CFAP43: variants seen among roughly 807,000 people sequenced by gnomAD.
CFAP43 encodes the protein cilia and flagella associated protein 43.
In CFAP43, 155 loss-of-function variants were observed where a neutral mutation model predicts 218.9. The observed-to-expected ratio is 0.71, with a 90% CI of 0.62 to 0.81. CFAP43 has a LOEUF of 0.81. Ranked by LOEUF, CFAP43 falls within the 30% of genes least tolerant of loss-of-function variation. The pLI, the probability that CFAP43 is intolerant of heterozygous loss-of-function variation, is 0.00. For synonymous variants in CFAP43, 645 were observed against 681.3 expected, an observed-to-expected ratio of 0.95 and a Z score of 0.83; for missense variants, 1,778 against 1,954.3, an observed-to-expected ratio of 0.91 and a Z score of 1.70.
At position 104,140,437 on chromosome 10, in the gene CFAP43, A is replaced by T. The variant is rs1016962148; in HGVS notation, c.4431+405T>A. 2.0e-5 allele frequency among the ~76,000 whole-genome samples: 3 copies of T among 152,240 alleles called. No homozygotes were observed. The South Asian group carries it at 6.2e-4, about 31-fold the overall frequency. Reference sequence around the variant, plus strand: ...AGTTAGGAAACCACTGACTTAATTGAATTAAAATTACTTATGAAAATGGGA... The same window carrying T: ...AGTTAGGAAACCACTGACTTAATTGTATTAAAATTACTTATGAAAATGGGA... On this transcript the variant is annotated intron_variant, in intron 34 of 37. Transcript: ENST00000357060.
chr10:104,146,129 A>C, intron 30 of CFAP43, 134 bp downstream of exon 30: 1 of 623,506 alleles, frequency 1.6e-6, no homozygotes, highest in Non-Finnish European at 2.8e-6. Flanking sequence ...CATAGAATGA[A>C]GTTCACCCAT....
At chr10:104,132,682 C>T (rs968371551) in intron 35 of CFAP43, 1 of 985,256 alleles carries the variant, frequency 1.0e-6, no homozygotes, top group Non-Finnish European at 1.2e-6. Flanking sequence ...GCCATCAATA[C>T]ATTCATGTAC....
rs542039027 is a variant in CFAP43, at chr10:104,162,350, C to G, written c.3300G>C (p.Val1100=). 1.5e-4 allele frequency: 249 copies of G among 1,614,192 alleles called. 3 individuals carry two copies. In the South Asian group the frequency reaches 2.6e-3, roughly 17 times the overall value. Residue 1100 remains valine (V), a synonymous_variant, in exon 25 of 38, where the codon GTG becomes GTC. Transcript: ENST00000357060. ...GAAGCCAGTGCTCCTTTTCATGATTCACGATCAATTCTTTGGCTTTGTGCC... is the reference window on the plus strand; with the variant it reads ...GAAGCCAGTGCTCCTTTTCATGATTGACGATCAATTCTTTGGCTTTGTGCC... ...KPWHKAKELI[V]NHEKEHWLLI...
intron 28 of CFAP43, among the ~76,000 whole-genome samples, chr10:104,148,350 C>T (rs550788963): frequency 6.6e-6 from 1 of 152,156 alleles, no homozygotes; most frequent in Non-Finnish European, 1.5e-5. Context: ...AATCTCAACC[C>T]CAGTACTAAA....
Position 104,203,665 on chromosome 10 carries a change from A to AACATACCTT in CFAP43, c.1093_1095+6dup, listed in dbSNP as rs745693479. ...ATCACATATCAAGAAATTACCATCCAACATACCTTGTCTGTTTGAATCAGC... is the reference window on the plus strand; with the variant it reads ...ATCACATATCAAGAAATTACCATCCAACATACCTTACATACCTTGTCTGTTTGAATCAGC... On this transcript the variant is annotated splice_region_variant and intron_variant, in intron 8 of 37. Coordinates refer to ENST00000357060, the MANE Select transcript of CFAP43 (RefSeq NM_025145.7). 3.1e-6 allele frequency: 5 copies of AACATACCTT among 1,595,364 alleles called. No homozygotes were observed. Among genetic ancestry groups the AACATACCTT allele is most frequent in the Non-Finnish European group, 4.3e-6 (5 of 1,173,432 alleles).
At position 104,130,312 on chromosome 10, in the gene CFAP43, C is replaced by A; in HGVS notation, c.4832-7G>T. ...TCACAAGTCAGTTTAGACCCTATCC[C>A]AAAAATGAATAAAGGAATTCGATTA... On this transcript the variant is annotated splice_polypyrimidine_tract_variant and splice_region_variant and intron_variant, in intron 37 of 37. Coordinates refer to ENST00000357060, the MANE Select transcript of CFAP43 (RefSeq NM_025145.7). 1 of 1,599,102 alleles carries A rather than the reference C, an allele frequency of 6.3e-7. No homozygotes were observed. Among genetic ancestry groups the A allele is most frequent in the Non-Finnish European group, 8.5e-7 (1 of 1,176,634 alleles).
chr10:104,160,022 TC>T (rs2134806190), intron 27 of CFAP43, among the ~76,000 whole-genome samples: 1 of 152,250 alleles, frequency 6.6e-6, no homozygotes, highest in South Asian at 2.1e-4. Flanking sequence ...GTAAACCCAG[TC>T]AATAGTTTTT....
intron 32 of CFAP43, 104 bp downstream of exon 32, chr10:104,143,322 C>T (rs1444479129): frequency 7.2e-6 from 7 of 969,148 alleles, no homozygotes. Flanking sequence ...ACTACCCTAG[C>T]AGGGAAACCT....
At chr10:104,182,684 T>C (rs1295096133) in intron 16 of CFAP43, among the ~76,000 whole-genome samples, 171 bp from the exon 17 acceptor site, 1 of 152,190 alleles carries the variant, frequency 6.6e-6, no homozygotes, top group Non-Finnish European at 1.5e-5. Context: ...AGTGCCTACT[T>C]CTTTTGCAGA....
intron 27 of CFAP43, among the ~76,000 whole-genome samples, chr10:104,156,243 A>G (rs1478471612): frequency 6.6e-6 from 1 of 152,168 alleles, no homozygotes; most frequent in East Asian, 1.9e-4. Context: ...AAAGAAGTCA[A>G]CTGTATATCA....
intron 16 of CFAP43, 117 bp downstream of exon 16, chr10:104,184,899 T>G: frequency 6.9e-7 from 1 of 1,458,950 alleles, no homozygotes; most frequent in Non-Finnish European, 9.0e-7. Context: ...ATAACAAACT[T>G]TCTTTGCACT....
Position 104,161,099 on chromosome 10 carries a change from GT to G in CFAP43, c.3477del (p.Lys1159AsnfsTer10). The G allele has an allele frequency of 6.2e-7, 1 of 1,613,110 alleles. No individual in the cohort carries two copies. Among genetic ancestry groups the G allele is most frequent in the Non-Finnish European group, 8.5e-7 (1 of 1,179,440 alleles). On this transcript the variant is annotated frameshift_variant, in exon 27 of 38. Transcript: ENST00000357060. LOFTEE classifies it high-confidence loss of function. Reference protein sequence around the residue: ...PDAVWTEEERKQFKDYEKKVK... With the variant: ...PDAVWTEEERXQFKDYEKKVK... The stretch of plus-strand genomic sequence containing the variant: ...ACTTTTTTCTCATAATCTTTGAATT[GT>G]TTTCTTTCTTCTTCAGTCCACACAG...
intron 34 of CFAP43, 152 bp downstream of exon 34, chr10:104,140,690 G>T: frequency 1.7e-6 from 1 of 587,552 alleles, no homozygotes; most frequent in Non-Finnish European, 2.9e-6. Flanking sequence ...GTGTGAACCT[G>T]TACTCCCAGC....
At chr10:104,192,831 T>A (rs1157551975) in intron 11 of CFAP43, 1 of 167,862 alleles carries the variant, frequency 6.0e-6, no homozygotes, top group Non-Finnish European at 1.3e-5. Flanking sequence ...AGGTTATCCA[T>A]CCTTCCCCAC....
chr10:104,225,519 A>G lies in CFAP43; in HGVS notation c.358T>C (p.Tyr120His). 2 of 1,612,998 alleles carry G rather than the reference A, an allele frequency of 1.2e-6. No individual in the cohort carries two copies. The highest frequency in any genetic ancestry group is 1.7e-6 in the Non-Finnish European group (2 of 1,179,330). Residue 120 changes from tyrosine (Y) to histidine (H), a missense_variant, in exon 3 of 38, where the codon TAC becomes CAC. Around this residue, in one of 3 missense-constraint regions of CFAP43, gnomAD observed 1,553 missense variants for 1,685.2 expected, o/e 0.92. Coordinates refer to ENST00000357060, the MANE Select transcript of CFAP43 (RefSeq NM_025145.7). Reference protein sequence around the residue: ...LLDYTLLSFSYCGTYLASYSS... With the variant: ...LLDYTLLSFSHCGTYLASYSS... Reference sequence around the variant, plus strand: ...TAACTAGCCAGGTAGGTGCCACAGTAACTGAATGAAAGTAAAGTGTAGTCC... The same window carrying G: ...TAACTAGCCAGGTAGGTGCCACAGTGACTGAATGAAAGTAAAGTGTAGTCC...
chr10:104,150,402 T>C (rs751272603), intron 28 of CFAP43, among the ~76,000 whole-genome samples: 15 of 152,168 alleles, frequency 9.9e-5, no homozygotes, highest in Non-Finnish European at 2.9e-5. Flanking sequence ...AACAGCTCTC[T>C]TTCCCTGCCT....
chr10:104,232,248 G>T lies in CFAP43; in HGVS notation c.-2C>A. The T allele has an allele frequency of 2.1e-5, 34 of 1,603,994 alleles. No homozygotes were observed. Among genetic ancestry groups the T allele is most frequent in the Non-Finnish European group, 2.9e-5 (34 of 1,176,720 alleles). On this transcript the variant is annotated 5_prime_UTR_variant, in exon 1 of 38. Coordinates refer to ENST00000357060, the MANE Select transcript of CFAP43 (RefSeq NM_025145.7). ...GTCGCGCTCCCGGCCTTGCGCCATG[G>T]GCAGTGTTTTCCTCAGGCGGGAGCA...
chr10:104,132,016 T>C, intron 36 of CFAP43, 100 bp downstream of exon 36: 1 of 903,104 alleles, frequency 1.1e-6, no homozygotes, highest in Non-Finnish European at 1.6e-6. Flanking sequence ...TAACCAAGAT[T>C]TTATTAGGGT....
At chr10:104,203,613 T>C in intron 8 of CFAP43, 59 bp downstream of exon 8, 1 of 1,487,810 alleles carries the variant, frequency 6.7e-7, no homozygotes, top group Non-Finnish European at 9.1e-7. Flanking sequence ...TCCTGTCATG[T>C]AATGATGATA....
Sources: gnomAD v4.1 joint callset for allele counts (sites outside exome capture counted in the v4.1 genomes callset) on GRCh38, gnomAD v4.1.1 for gene constraint, gnomAD v4.1.1 regional missense constraint, MANE v1.5 for transcripts, NCBI Gene and HGNC (gene_info 2026-07-23, HGNC 2026-07-21) for gene names.